PINX1: variants seen among roughly 807,000 people sequenced by gnomAD.
PINX1 encodes PIN2/TERF1-interacting telomerase inhibitor 1.
A neutral mutation model predicts 25.4 loss-of-function variants in PINX1; 34 were observed. That is an observed-to-expected ratio of 1.34 (90% CI 1.02 to 1.78). PINX1 has a LOEUF of 1.78. PINX1 is among the 40% of genes most tolerant of loss of function. The pLI is 0.00. For synonymous variants in PINX1, 197 were observed against 147.7 expected, an observed-to-expected ratio of 1.33 and a Z score of -2.42; for missense variants, 592 against 404.9, an observed-to-expected ratio of 1.46 and a Z score of -3.97.
At chr8:10,816,552 A>G (rs992262167) in intron 6 of PINX1, among the ~76,000 whole-genome samples, 10 of 152,230 alleles carry the variant, frequency 6.6e-5, no homozygotes, top group African/African-American at 2.4e-4. Flanking sequence ...ACCTGGTCAC[A>G]TGCTTGTCAA....
At chr8:10,822,763 T>C (rs1156719810) in intron 5 of PINX1, among the ~76,000 whole-genome samples, 1 of 152,120 alleles carries the variant, frequency 6.6e-6, no homozygotes, top group African/African-American at 2.4e-5. Flanking sequence ...CAAGCTGTAT[T>C]AGAACTGAGG....
intron 6 of PINX1, among the ~76,000 whole-genome samples, chr8:10,779,684 T>A (rs550677556): frequency 2.2e-4 from 33 of 152,310 alleles, no homozygotes; most frequent in African/African-American, 7.5e-4. Context: ...AAACTTACTG[T>A]CGGGAAGTAA....
intron 1 of PINX1, among the ~76,000 whole-genome samples, chr8:10,838,623 A>G (rs1013977017): frequency 6.6e-6 from 1 of 152,238 alleles, no homozygotes; most frequent in African/African-American, 2.4e-5. Context: ...AAAGAATACG[A>G]AAACCAGAAG....
intron 6 of PINX1, among the ~76,000 whole-genome samples, chr8:10,779,843 G>A (rs1264626142): frequency 6.6e-6 from 1 of 152,094 alleles, no homozygotes; most frequent in African/African-American, 2.4e-5. Flanking sequence ...AGGAAGAAAT[G>A]AACAACCCCA....
chr8:10,768,964 C>G (rs539725525), intron 6 of PINX1, among the ~76,000 whole-genome samples: 6 of 152,286 alleles, frequency 3.9e-5, no homozygotes, highest in African/African-American at 1.4e-4. Flanking sequence ...TCCCACATTT[C>G]CATTAAACAC....
At chr8:10,820,694 T>C (rs535056944) in intron 5 of PINX1, among the ~76,000 whole-genome samples, 63 of 152,260 alleles carry the variant, frequency 4.1e-4, no homozygotes, top group African/African-American at 1.5e-3. Flanking sequence ...AAAATATCAC[T>C]AGATACACAG....
chr8:10,766,903 TGAG>T (rs1801068241), intron 6 of PINX1, among the ~76,000 whole-genome samples: 1 of 151,752 alleles, frequency 6.6e-6, no homozygotes, highest in Non-Finnish European at 1.5e-5. Flanking sequence ...GGCAGTAAGG[TGAG>T]GAGGAGTGCC....
intron 5 of PINX1, among the ~76,000 whole-genome samples, chr8:10,823,566 A>G (rs936605160): frequency 6.6e-6 from 1 of 152,208 alleles, no homozygotes; most frequent in Non-Finnish European, 1.5e-5. Context: ...GAGCCTTTAA[A>G]TAAGTATGAT....
At chr8:10,816,782 G>A (rs528309606) in intron 6 of PINX1, among the ~76,000 whole-genome samples, 3 of 152,200 alleles carry the variant, frequency 2.0e-5, no homozygotes, top group East Asian at 3.9e-4. Context: ...CATTAACTTC[G>A]GCAGGACTGC....
intron 6 of PINX1, among the ~76,000 whole-genome samples, chr8:10,803,525 G>A (rs59035647): frequency 6.6e-6 from 1 of 152,208 alleles, no homozygotes; most frequent in African/African-American, 2.4e-5. Context: ...ACTTATTGTA[G>A]AAATTGGGTC....
intron 6 of PINX1, among the ~76,000 whole-genome samples, chr8:10,793,542 G>A (rs1253430986): frequency 6.6e-6 from 1 of 152,196 alleles, no homozygotes; most frequent in Non-Finnish European, 1.5e-5. Flanking sequence ...TGGGCAGCAT[G>A]CAGCCCACCC....
intron 6 of PINX1, among the ~76,000 whole-genome samples, chr8:10,812,772 A>C (rs1797570806): frequency 6.6e-6 from 1 of 152,160 alleles, no homozygotes; most frequent in African/African-American, 2.4e-5. Context: ...CACAAGCTAC[A>C]AGTCTGTTGC....
chr8:10,829,078 G>C lies in PINX1; in HGVS notation c.301+2587C>G, dbSNP rs779815102. On this transcript the variant is annotated intron_variant, in intron 4 of 6. Transcript: ENST00000314787. Reference sequence around the variant, plus strand: ...TGAGGTGGGTGGATCACAAGGTCAGGAGTTGGAGACCAGCCTGACCAACAT... The same window carrying C: ...TGAGGTGGGTGGATCACAAGGTCAGCAGTTGGAGACCAGCCTGACCAACAT... Among the ~76,000 whole-genome samples the C allele has an allele frequency of 1.2e-4, 19 of 152,272 alleles. No homozygotes were observed. In the Middle Eastern group the frequency reaches 0.01, roughly 82 times the overall value.
chr8:10,805,086 T>A (rs1467098197), intron 6 of PINX1, among the ~76,000 whole-genome samples: 1 of 152,178 alleles, frequency 6.6e-6, no homozygotes, highest in African/African-American at 2.4e-5. Flanking sequence ...CAATTATTAT[T>A]ACTAAGAAAG....
intron 5 of PINX1, among the ~76,000 whole-genome samples, chr8:10,821,450 G>C (rs962643344): frequency 6.6e-6 from 1 of 152,158 alleles, no homozygotes; most frequent in African/African-American, 2.4e-5. Flanking sequence ...GGCTCCTCTG[G>C]GCTCTGGCTG....
chr8:10,793,280 A>T (rs1472600618), intron 6 of PINX1, among the ~76,000 whole-genome samples: 1 of 152,210 alleles, frequency 6.6e-6, no homozygotes, highest in Non-Finnish European at 1.5e-5. Context: ...CCAAATTATT[A>T]TTGACAAGTT....
At chr8:10,769,572 G>C (rs934227564) in intron 6 of PINX1, among the ~76,000 whole-genome samples, 1 of 152,218 alleles carries the variant, frequency 6.6e-6, no homozygotes, top group African/African-American at 2.4e-5. Context: ...AAGTGATCAG[G>C]CCTGGGTGTC....
At position 10,765,232 on chromosome 8, in the gene PINX1, G is replaced by A; in HGVS notation, c.*169C>T. ...ACATTAAAAAGGTCCTCCTGGGAAT[G>A]TAACTTGGGGGAAATGTGGCGAGAG... On this transcript the variant is annotated 3_prime_UTR_variant, in exon 7 of 7. Coordinates refer to ENST00000314787, the MANE Select transcript of PINX1 (RefSeq NM_017884.6). 1.7e-6 allele frequency: 1 copy of A among 591,132 alleles called. No homozygotes were observed. Among genetic ancestry groups the A allele is most frequent in the Non-Finnish European group, 2.9e-6 (1 of 348,402 alleles). 36.6% of individuals were successfully genotyped at this position (591,132 alleles called of 1,614,324 possible). A position where few individuals can be genotyped will look rare whatever the true frequency, so the allele number is the denominator to read the frequency against.
intron 6 of PINX1, among the ~76,000 whole-genome samples, chr8:10,816,994 T>G (rs983806995): frequency 6.6e-6 from 1 of 152,190 alleles, no homozygotes; most frequent in Non-Finnish European, 1.5e-5. Context: ...ACACAGGTGC[T>G]TAATAAAATT....
Sources: allele counts gnomAD v4.1 joint callset (sites outside exome capture counted in the v4.1 genomes callset), GRCh38; gene constraint gnomAD v4.1.1; transcripts MANE v1.5; gene names NCBI Gene and HGNC (gene_info 2026-07-23, HGNC 2026-07-21).